TNPO1: variants seen among roughly 807,000 people sequenced by gnomAD.
TNPO1 encodes the protein transportin 1.
A neutral mutation model predicts 119.5 loss-of-function variants in TNPO1; 8 were observed. That is an observed-to-expected ratio of 0.07 (90% confidence interval 0.04 to 0.12). The LOEUF (loss-of-function observed/expected upper bound fraction) is 0.12. Among genes scored for constraint, TNPO1 ranks in the 10% least tolerant of loss-of-function variants. The probability of loss-of-function intolerance (pLI) is 1.00; values close to 1 mark genes in which losing one functional copy is unlikely to be tolerated. For synonymous variants in TNPO1, 362 were observed against 363.0 expected, an observed-to-expected ratio of 1.00 and a Z score of 0.03; for missense variants, 576 against 1,089.8, an observed-to-expected ratio of 0.53 and a Z score of 6.64.
chr5:72,903,637 G>A, intron 22 of TNPO1, 72 bp from the exon 23 acceptor site: 1 of 953,644 alleles, frequency 1.0e-6, no homozygotes, highest in Non-Finnish European at 1.6e-6. Context: ...TAAACTCTGA[G>A]GTTTACATAT....
intron 8 of TNPO1, among the ~76,000 whole-genome samples, chr5:72,876,458 T>A (rs1747781113): frequency 6.6e-6 from 1 of 152,198 alleles, no homozygotes; most frequent in Non-Finnish European, 1.5e-5. Context: ...GAATTACAAA[T>A]TATATTCGCA....
At chr5:72,899,189 ATATT>A (rs1749646798) in intron 20 of TNPO1, among the ~76,000 whole-genome samples, 1 of 152,196 alleles carries the variant, frequency 6.6e-6, no homozygotes, top group Non-Finnish European at 1.5e-5. Flanking sequence ...CAGAAACAGA[ATATT>A]TATTTTTTCC....
Position 72,897,044 on chromosome 5 carries a change from G to A in TNPO1, c.2243-12G>A. ...TTCTTTTTTGTTTTTTTCTTTTTGG[G>A]ATGATCTCTAGGTATAGAGATGCAG... On this transcript the variant is annotated splice_polypyrimidine_tract_variant and intron_variant, in intron 19 of 24. Transcript: ENST00000337273. 6.6e-7 allele frequency: 1 copy of A among 1,519,404 alleles called. No individual in the cohort carries two copies. The allele number at this position is 1,519,404 out of a possible 1,614,324, so 94.1% of individuals were successfully genotyped here.
At chr5:72,882,376 A>T in intron 9 of TNPO1, 91 bp from the exon 10 acceptor site, 1 of 889,568 alleles carries the variant, frequency 1.1e-6, no homozygotes, top group East Asian at 2.5e-5. Flanking sequence ...TGATTATCTC[A>T]TTGGTTTTAT....
intron 18 of TNPO1, among the ~76,000 whole-genome samples, chr5:72,894,046 A>G (rs778972022): frequency 6.6e-6 from 1 of 152,234 alleles, no homozygotes; most frequent in Non-Finnish European, 1.5e-5. Context: ...GTAGAGGTAC[A>G]CAGAAATAGT....
intron 1 of TNPO1, among the ~76,000 whole-genome samples, chr5:72,829,720 T>C (rs1744362582): frequency 6.6e-6 from 1 of 152,188 alleles, no homozygotes; most frequent in Admixed American, 6.5e-5. Context: ...AATGAGAGTA[T>C]GTGATTGGTG....
intron 24 of TNPO1, 79 bp downstream of exon 24, chr5:72,905,524 TA>T (rs1750081633): frequency 3.2e-6 from 2 of 628,332 alleles, no homozygotes; most frequent in African/African-American, 3.8e-5. Context: ...CTAAATAGAA[TA>T]AAAAGCTATT....
chr5:72,844,614 T>C (rs1482736452), intron 1 of TNPO1, among the ~76,000 whole-genome samples: 1 of 152,230 alleles, frequency 6.6e-6, no homozygotes, highest in East Asian at 1.9e-4. Context: ...AAACTACTAT[T>C]TTTCAAATTA....
At chr5:72,825,291 G>A (rs1744153115) in intron 1 of TNPO1, among the ~76,000 whole-genome samples, 2 of 152,200 alleles carry the variant, frequency 1.3e-5, no homozygotes, top group South Asian at 4.1e-4. Flanking sequence ...AATGGCTCCT[G>A]TTACGATCTG....
intron 3 of TNPO1, among the ~76,000 whole-genome samples, chr5:72,854,559 T>G (rs992992443): frequency 1.3e-5 from 2 of 152,194 alleles, no homozygotes; most frequent in African/African-American, 4.8e-5. Context: ...TGAAGAATGA[T>G]TCAAAGTCCT....
chr5:72,849,257 G>A (rs916191249), intron 2 of TNPO1, among the ~76,000 whole-genome samples: 7 of 152,176 alleles, frequency 4.6e-5, no homozygotes, highest in Non-Finnish European at 7.3e-5. Context: ...AGACAGGAAA[G>A]GTTAAGAGAA....
intron 4 of TNPO1, among the ~76,000 whole-genome samples, chr5:72,860,709 A>C (rs980742734): frequency 2.6e-5 from 4 of 152,154 alleles, no homozygotes; most frequent in Admixed American, 1.3e-4. Context: ...AACATACAGG[A>C]TTATTCTCAA....
At chr5:72,837,062 T>C (rs1408115760) in intron 1 of TNPO1, among the ~76,000 whole-genome samples, 1 of 152,204 alleles carries the variant, frequency 6.6e-6, no homozygotes, top group African/African-American at 2.4e-5. Context: ...AATAGCCCTT[T>C]ACCATCCAAC....
intron 3 of TNPO1, among the ~76,000 whole-genome samples, chr5:72,853,281 A>G (rs1745726729): frequency 1.3e-5 from 2 of 152,196 alleles, no homozygotes; most frequent in South Asian, 4.1e-4. Context: ...GTGAAACTCC[A>G]TCTCTGTAAA....
intron 14 of TNPO1, among the ~76,000 whole-genome samples, chr5:72,890,607 A>G (rs1268370635): frequency 6.6e-6 from 1 of 152,136 alleles, no homozygotes; most frequent in Non-Finnish European, 1.5e-5. Flanking sequence ...AGGGCAGTTT[A>G]TAGGTTTGCT....
At chr5:72,820,662 G>A (rs911130107) in intron 1 of TNPO1, among the ~76,000 whole-genome samples, 2 of 152,126 alleles carry the variant, frequency 1.3e-5, no homozygotes, top group Non-Finnish European at 2.9e-5. Context: ...TCTGAATCTA[G>A]ATCTGCTTGA....
At chr5:72,886,013 A>G (rs550903066) in intron 11 of TNPO1, among the ~76,000 whole-genome samples, 12 of 152,228 alleles carry the variant, frequency 7.9e-5, no homozygotes, top group Admixed American at 5.9e-4. Context: ...TACAGTAACG[A>G]CATTAACCCA....
chr5:72,864,536 A>C (rs1329675175), intron 5 of TNPO1, among the ~76,000 whole-genome samples: 1 of 152,242 alleles, frequency 6.6e-6, no homozygotes, highest in Admixed American at 6.5e-5. Context: ...CTGCCCTTGC[A>C]ACAGATTTTG....
At chr5:72,876,848 A>G (rs1033132737) in intron 8 of TNPO1, among the ~76,000 whole-genome samples, 2 of 152,102 alleles carry the variant, frequency 1.3e-5, no homozygotes, top group African/African-American at 4.8e-5. Flanking sequence ...TAATCCCAAC[A>G]CTTTGGGAGG....
Sources: gnomAD v4.1 joint callset for allele counts (sites outside exome capture counted in the v4.1 genomes callset) on GRCh38, gnomAD v4.1.1 for gene constraint, MANE v1.5 for transcripts, NCBI Gene and HGNC (gene_info 2026-07-23, HGNC 2026-07-21) for gene names.